Variants in ZBTB20 observed in about 807,000 individuals in gnomAD.
ZBTB20 encodes the protein zinc finger and BTB domain-containing protein 20.
A neutral mutation model predicts 56.9 loss-of-function variants in ZBTB20; 9 were observed. The ratio of observed to expected loss-of-function variants is 0.16; its 90% CI spans 0.10 to 0.28. The LOEUF (loss-of-function observed/expected upper bound fraction) is 0.28, where lower values mean the gene tolerates loss of function less well. ZBTB20 is among the 10% of genes least tolerant of loss of function. The pLI, the probability that ZBTB20 is intolerant of heterozygous loss-of-function variation, is 1.00. For synonymous variants in ZBTB20, 417 were observed against 420.7 expected (o/e 0.99, Z 0.11); for missense variants, 655 against 1,003.0 (o/e 0.65, Z 4.69).
chr3:114,496,505 C>T (rs1211764030), intron 7 of ZBTB20, among the ~76,000 whole-genome samples: 1 of 152,226 alleles, frequency 6.6e-6, no homozygotes, highest in Admixed American at 6.5e-5. Flanking sequence ...TCTTGTTCAT[C>T]TTCCCAAACC....
intron 7 of ZBTB20, among the ~76,000 whole-genome samples, chr3:114,492,433 T>C (rs1418363926): frequency 6.6e-6 from 1 of 152,214 alleles, no homozygotes; most frequent in Non-Finnish European, 1.5e-5. Context: ...TTATCCTTCA[T>C]ATAGTTTGAT....
At chr3:115,058,064 C>G (rs2081873609) in intron 2 of ZBTB20, among the ~76,000 whole-genome samples, 2 of 152,134 alleles carry the variant, frequency 1.3e-5, no homozygotes, top group Admixed American at 1.3e-4. Context: ...TGAGAACTCA[C>G]TCATTATCAT....
chr3:115,032,974 A>C (rs576555526), intron 2 of ZBTB20, among the ~76,000 whole-genome samples: 53 of 150,014 alleles, frequency 3.5e-4, no homozygotes, highest in Middle Eastern at 3.4e-3. Context: ...AAAAAAAAAA[A>C]AAACAAACTA....
At chr3:115,017,241 CAAGCAGA>C (rs2080006081) in intron 2 of ZBTB20, among the ~76,000 whole-genome samples, 2 of 151,564 alleles carry the variant, frequency 1.3e-5, no homozygotes, top group South Asian at 4.2e-4. Context: ...CAACAACAGG[CAAGCAGA>C]AAGCCAAATC....
chr3:114,685,152 G>A (rs1309906548), intron 6 of ZBTB20, among the ~76,000 whole-genome samples: 2 of 151,840 alleles, frequency 1.3e-5, no homozygotes, highest in African/African-American at 2.4e-5. Context: ...TGTTCATCCC[G>A]CTATAGGCTT....
At chr3:115,138,030 A>C (rs2084699710) in intron 1 of ZBTB20, among the ~76,000 whole-genome samples, 1 of 152,126 alleles carries the variant, frequency 6.6e-6, no homozygotes, top group South Asian at 2.1e-4. Flanking sequence ...TTTCTGAAAC[A>C]AATGTTAAGG....
intron 7 of ZBTB20, among the ~76,000 whole-genome samples, chr3:114,499,350 T>C (rs935556758): frequency 2.3e-4 from 35 of 152,308 alleles, no homozygotes; most frequent in African/African-American, 7.7e-4. Context: ...TTTGCCACTA[T>C]CTTCTAGGAA....
intron 2 of ZBTB20, among the ~76,000 whole-genome samples, chr3:115,054,328 TTTAA>T (rs1340275145): frequency 6.6e-6 from 1 of 152,174 alleles, no homozygotes; most frequent in Non-Finnish European, 1.5e-5. Context: ...AGTCATCCAG[TTTAA>T]TTATTCTTTA....
At chr3:114,619,956 A>C (rs778907829) in intron 6 of ZBTB20, among the ~76,000 whole-genome samples, 1 of 152,134 alleles carries the variant, frequency 6.6e-6, no homozygotes, top group Non-Finnish European at 1.5e-5. Context: ...ACGGATGTGG[A>C]AGTTTGAGGA....
chr3:115,058,349 T>C (rs1046738674), intron 2 of ZBTB20, among the ~76,000 whole-genome samples: 4 of 152,202 alleles, frequency 2.6e-5, no homozygotes, highest in Admixed American at 1.3e-4. Context: ...GTATCATGTG[T>C]CTTGATGCCA....
intron 2 of ZBTB20, among the ~76,000 whole-genome samples, chr3:115,051,094 G>T (rs914333427): frequency 1.3e-5 from 2 of 151,870 alleles, no homozygotes; most frequent in South Asian, 2.1e-4. Context: ...AAAGCTTAAG[G>T]TATCTTGGCT....
At chr3:114,396,844 C>G (rs143222431) in intron 7 of ZBTB20, among the ~76,000 whole-genome samples, 1 of 152,150 alleles carries the variant, frequency 6.6e-6, no homozygotes, top group Non-Finnish European at 1.5e-5. Context: ...AACTCATTAA[C>G]ACTTCTTTTC....
In ZBTB20 at chr3:114,751,928, T is replaced by C. The variant is rs150138699; in HGVS notation, c.-343+49173A>G. Among the ~76,000 whole-genome samples the C allele has an allele frequency of 4.7e-3, 709 of 152,244 alleles. 3 individuals carry two copies. The highest frequency in any genetic ancestry group is 0.016 in the African/African-American group (671 of 41,566). Reference sequence around the variant, plus strand: ...GTGTTTTGAATTGTTTTGTTAGTAATAATAATGGAGTTGTACTGGACAAAA... The same window carrying C: ...GTGTTTTGAATTGTTTTGTTAGTAACAATAATGGAGTTGTACTGGACAAAA... On this transcript the variant is annotated intron_variant, in intron 5 of 11. Coordinates refer to ENST00000675478, the MANE Select transcript of ZBTB20 (RefSeq NM_001348800.3).
At chr3:114,412,438 C>T (rs1220330460) in intron 7 of ZBTB20, among the ~76,000 whole-genome samples, 1 of 152,088 alleles carries the variant, frequency 6.6e-6, no homozygotes, top group Non-Finnish European at 1.5e-5. Context: ...TCTGACAAAG[C>T]TGAAGAGGAC....
intron 4 of ZBTB20, among the ~76,000 whole-genome samples, chr3:114,844,553 C>A (rs1288038275): frequency 0.079 from 1,562 of 19,866 alleles, no homozygotes; most frequent in Non-Finnish European, 0.11. Flanking sequence ...AAAAAAAAAA[C>A]TTTCATTTCT....
chr3:114,368,630 G>A (rs765560182), intron 10 of ZBTB20, among the ~76,000 whole-genome samples: 8 of 152,302 alleles, frequency 5.3e-5, no homozygotes, highest in Non-Finnish European at 8.8e-5. Context: ...AGAACAACAC[G>A]CAGGAAAGAA....
chr3:114,569,341 C>T (rs1315865194), intron 6 of ZBTB20, among the ~76,000 whole-genome samples: 1 of 152,148 alleles, frequency 6.6e-6, no homozygotes, highest in African/African-American at 2.4e-5. Context: ...GTCACAAAGG[C>T]AGCATGACAC....
chr3:114,592,884 T>C (rs940187944), intron 6 of ZBTB20, among the ~76,000 whole-genome samples: 9 of 152,188 alleles, frequency 5.9e-5, no homozygotes, highest in African/African-American at 1.9e-4. Context: ...TCACAATCTA[T>C]TCTACTCTTA....
rs527275814 is a variant in ZBTB20, at chr3:114,990,010, G to A, written c.-506-15594C>T. 6.3e-3 allele frequency among the ~76,000 whole-genome samples: 955 copies of A among 152,224 alleles called. 12 individuals are homozygous for A. Among genetic ancestry groups the A allele is most frequent in the African/African-American group, 0.022 (910 of 41,520 alleles). On this transcript the variant is annotated intron_variant, in intron 2 of 11. Transcript: ENST00000675478. ...GCTTAAGGAGATTTTGGGCTGAGAT[G>A]ATGGGGTTTTCTAAATATACAATCA...
Sources: allele counts gnomAD v4.1 joint callset (sites outside exome capture counted in the v4.1 genomes callset), GRCh38; gene constraint gnomAD v4.1.1; transcripts MANE v1.5; gene names NCBI Gene and HGNC (gene_info 2026-07-23, HGNC 2026-07-21).